TUBA4B: variants seen among roughly 807,000 people sequenced by gnomAD.
The protein encoded by TUBA4B is tubulin-like protein alpha-4B.
A neutral mutation model predicts 18.4 loss-of-function variants in TUBA4B; 13 were observed. The observed-to-expected ratio is 0.71, with a 90% CI of 0.46 to 1.12. The LOEUF (loss-of-function observed/expected upper bound fraction) is 1.12. Among genes scored for constraint, TUBA4B ranks in the 50% most tolerant of loss-of-function variants. TUBA4B has a pLI of 0.00. For synonymous variants in TUBA4B, 101 were observed against 99.1 expected, an observed-to-expected ratio of 1.02 and a Z score of -0.11; for missense variants, 244 against 250.0, an observed-to-expected ratio of 0.98 and a Z score of 0.16.
chr2:219,265,213 C>T lies in TUBA4B; in HGVS notation c.13-1308C>T, dbSNP rs551342693. ...TCTTAATTCCAGCATTAATTAATCC[C>T]CATGTGACCTCAGGCAGGACACTAG... On this transcript the variant is annotated intron_variant, in intron 1 of 3. Transcript: ENST00000490341. 5.9e-5 allele frequency among the ~76,000 whole-genome samples: 9 copies of T among 152,332 alleles called. No homozygotes were observed. The East Asian group carries it at 1.5e-3, about 26-fold the overall frequency.
chr2:219,259,318 TA>T (rs35321348), intron 1 of TUBA4B, among the ~76,000 whole-genome samples: 3,149 of 73,930 alleles, frequency 0.043, 129 homozygotes, highest in African/African-American at 0.15. Flanking sequence ...AGACTCTGTC[TA>T]AAAAAAAAAA....
chr2:219,265,542 C>T (rs1464897247), intron 1 of TUBA4B, among the ~76,000 whole-genome samples: 1 of 152,108 alleles, frequency 6.6e-6, no homozygotes, highest in Non-Finnish European at 1.5e-5. Context: ...GAGGCTGAGG[C>T]AGGAGAATCG....
At chr2:219,259,745 T>G (rs1261127048) in intron 1 of TUBA4B, among the ~76,000 whole-genome samples, 1 of 152,188 alleles carries the variant, frequency 6.6e-6, no homozygotes, top group African/African-American at 2.4e-5. Context: ...TTTAAAATGT[T>G]TGCACTGACT....
chr2:219,258,953 G>T (rs767557573), intron 1 of TUBA4B, among the ~76,000 whole-genome samples: 8 of 151,880 alleles, frequency 5.3e-5, no homozygotes, highest in Non-Finnish European at 1.0e-4. Flanking sequence ...ACGCTTTCTA[G>T]CTGACAAAAT....
intron 1 of TUBA4B, among the ~76,000 whole-genome samples, chr2:219,260,428 A>C (rs1026247256): frequency 2.6e-5 from 4 of 152,236 alleles, no homozygotes; most frequent in Non-Finnish European, 5.9e-5. Context: ...GAATAGGATA[A>C]AAAGAAATGA....
At chr2:219,253,718 AG>A in intron 1 of TUBA4B, 1 of 1,045,292 alleles carries the variant, frequency 9.6e-7, no homozygotes, top group South Asian at 1.6e-5. Context: ...GGGGTTGGGG[AG>A]GGAGGATGCA....
chr2:219,266,343 C>G (rs1449931289), intron 1 of TUBA4B, 178 bp from the exon 2 acceptor site: 1 of 578,006 alleles, frequency 1.7e-6, no homozygotes, highest in Non-Finnish European at 3.1e-6. Flanking sequence ...GCTGGCTCCC[C>G]TGTTTGGGTG....
At chr2:219,270,948 C>T (rs1951821122) in intron 3 of TUBA4B, among the ~76,000 whole-genome samples, 2 of 151,996 alleles carry the variant, frequency 1.3e-5, no homozygotes, top group Non-Finnish European at 2.9e-5. Context: ...TACAACAGAG[C>T]TCTGTGTTAA....
intron 2 of TUBA4B, among the ~76,000 whole-genome samples, chr2:219,268,447 G>A (rs1220221979): frequency 1.3e-5 from 2 of 152,164 alleles, no homozygotes; most frequent in South Asian, 2.1e-4. Flanking sequence ...GTGGGAAATT[G>A]GAAGGGGAAC....
At chr2:219,266,822 G>T (rs1448641389) in intron 2 of TUBA4B, among the ~76,000 whole-genome samples, 1 of 152,164 alleles carries the variant, frequency 6.6e-6, no homozygotes, top group Non-Finnish European at 1.5e-5. Context: ...TGAGAAGCAG[G>T]GCTGCTGAGG....
chr2:219,255,635 GC>G (rs1951712959), intron 1 of TUBA4B, among the ~76,000 whole-genome samples: 2 of 152,186 alleles, frequency 1.3e-5, no homozygotes, highest in Non-Finnish European at 2.9e-5. Flanking sequence ...CTCCCAAAGT[GC>G]TGGGATTACA....
At chr2:219,261,433 G>A (rs959082338) in intron 1 of TUBA4B, among the ~76,000 whole-genome samples, 5 of 152,184 alleles carry the variant, frequency 3.3e-5, no homozygotes, top group African/African-American at 1.2e-4. Context: ...GAGGGAGGGA[G>A]TTAAATGGCC....
Position 219,270,328 on chromosome 2 carries a change from G to C in TUBA4B, c.185G>C (p.Arg62Pro), listed in dbSNP as rs1364758821. The C allele has an allele frequency of 4.1e-6, 3 of 732,828 alleles. No individual in the cohort carries two copies. Among genetic ancestry groups the C allele is most frequent in the South Asian group, 1.4e-5 (1 of 69,860 alleles). 45.4% of individuals were successfully genotyped at this position (732,828 alleles called of 1,614,324 possible). Residue 62 changes from arginine (R) to proline (P), a missense_variant, in exon 3 of 4, where the codon CGG becomes CCG. By Grantham distance (103) the Arg-to-Pro change is moderately radical (BLOSUM62 -2). Coordinates refer to ENST00000490341, the MANE Select transcript of TUBA4B (RefSeq NM_001355221.1). ...ATCGACCTGCTACTGGACCGGATTC[G>C]GAAGCTGGTGAGGAAAGGACTGAGG... ...EFIDLLLDRIRKLADQCTGLQ... is the reference protein window; with the variant it reads ...EFIDLLLDRIPKLADQCTGLQ...
At chr2:219,271,134 GC>G (rs749796282) in intron 3 of TUBA4B, 31 bp from the exon 4 acceptor site, 2 of 735,764 alleles carry the variant, frequency 2.7e-6, no homozygotes, top group Non-Finnish European at 4.8e-6. Flanking sequence ...TGTGCTCCAT[GC>G]CCCACATTTC....
At chr2:219,267,040 G>A (rs930584516) in intron 2 of TUBA4B, among the ~76,000 whole-genome samples, 8 of 152,200 alleles carry the variant, frequency 5.3e-5, no homozygotes, top group Non-Finnish European at 1.2e-4. Flanking sequence ...CCCATCTGCT[G>A]TGCCTTTGTC....
chr2:219,253,868 G>T, intron 1 of TUBA4B: 1 of 1,464,568 alleles, frequency 6.8e-7, no homozygotes, highest in South Asian at 1.4e-5. Context: ...TGGTGAGTCC[G>T]GGCGGTGCGT....
At chr2:219,255,076 T>A (rs45614642) in intron 1 of TUBA4B, among the ~76,000 whole-genome samples, 2,223 of 152,212 alleles carry the variant, frequency 0.015, 67 homozygotes, top group African/African-American at 0.051. Context: ...TTTGAGTCAG[T>A]GTCTTGCTGT....
At chr2:219,269,505 AGTAGAGTCCAGGAACCTTG>A (rs970206257) in intron 2 of TUBA4B, among the ~76,000 whole-genome samples, 2 of 152,234 alleles carry the variant, frequency 1.3e-5, no homozygotes, top group African/African-American at 4.8e-5. Flanking sequence ...AGGCAAGCAG[AGTAGAGTCCAGGAACCTTG>A]GCCCTCAGCC....
intron 2 of TUBA4B, among the ~76,000 whole-genome samples, chr2:219,269,823 T>A (rs1377692113): frequency 3.3e-5 from 5 of 152,090 alleles, no homozygotes; most frequent in African/African-American, 1.2e-4. Context: ...CAGGCGGTGT[T>A]TGTGGATCTG....
Sources: gnomAD v4.1 joint callset for allele counts (sites outside exome capture counted in the v4.1 genomes callset) on GRCh38, gnomAD v4.1.1 for gene constraint, MANE v1.5 for transcripts, NCBI Gene and HGNC (gene_info 2026-07-23, HGNC 2026-07-21) for gene names.